Variants in CACNA1B observed in about 807,000 individuals in gnomAD.
CACNA1B encodes the protein calcium voltage-gated channel subunit alpha1 B.
In CACNA1B, 70 loss-of-function variants were observed where a neutral mutation model predicts 247.2. The observed-to-expected ratio is 0.28, with a 90% confidence interval of 0.23 to 0.35. The LOEUF is 0.35. Among genes scored for constraint, CACNA1B ranks in the 10% least tolerant of loss-of-function variants. The pLI is 1.00. For missense variants in CACNA1B, 2,367 were observed against 3,197.4 expected, an observed-to-expected ratio of 0.74 and a Z score of 6.26; for synonymous variants, 1,231 against 1,294.4, an observed-to-expected ratio of 0.95 and a Z score of 1.05.
At chr9:138,096,682 GGC>G (rs1961067113) in intron 37 of CACNA1B, 71 bp downstream of exon 37, 2 of 1,501,942 alleles carry the variant, frequency 1.3e-6, no homozygotes, top group Non-Finnish European at 1.8e-6. Context: ...TGGGCCTGGT[GGC>G]TTCAGACATG....
intron 36 of CACNA1B, among the ~76,000 whole-genome samples, chr9:138,079,640 A>T (rs1960451125): frequency 6.7e-6 from 1 of 149,248 alleles, no homozygotes; most frequent in Admixed American, 6.7e-5. Context: ...CCACCTGGGG[A>T]GCTGAGGCAA....
intron 36 of CACNA1B, among the ~76,000 whole-genome samples, chr9:138,080,138 C>T (rs1960476362): frequency 6.6e-6 from 1 of 152,204 alleles, no homozygotes; most frequent in Non-Finnish European, 1.5e-5. Flanking sequence ...ACATTCACTC[C>T]TCAGTACAAG....
intron 20 of CACNA1B, among the ~76,000 whole-genome samples, chr9:138,032,094 G>T (rs1374100037): frequency 6.6e-6 from 1 of 151,596 alleles, no homozygotes; most frequent in Non-Finnish European, 1.5e-5. Flanking sequence ...CTCCCTTCCT[G>T]TGGGTTACTT....
rs1961203495 is a variant in CACNA1B at position 138,100,101 on chromosome 9, G to C, written c.5223-2610G>C. Among the ~76,000 whole-genome samples the C allele has an allele frequency of 6.6e-6, 1 of 152,238 alleles. No homozygotes were observed. Among genetic ancestry groups the C allele is most frequent in the African/African-American group, 2.4e-5 (1 of 41,464 alleles). On this transcript the variant is annotated intron_variant, in intron 37 of 46. Coordinates refer to ENST00000371372, the MANE Select transcript of CACNA1B (RefSeq NM_000718.4). The surrounding 1 kb of genome is among the most constrained non-coding windows in gnomAD (Gnocchi z 4.6). The stretch of plus-strand genomic sequence containing the variant: ...TGTCTGGCCTGAAGAATGAGAGGAG[G>C]TGCCATTTGAGCTGAACTTAAAGGA...
At chr9:138,084,532 C>T (rs951985327) in intron 36 of CACNA1B, among the ~76,000 whole-genome samples, 2 of 151,286 alleles carry the variant, frequency 1.3e-5, no homozygotes, top group Non-Finnish European at 2.9e-5. Flanking sequence ...ACCACTGCAC[C>T]TGGAAACAGA....
chr9:137,984,186 G>A lies in CACNA1B; in HGVS notation c.1705G>A (p.Gly569Arg), dbSNP rs201094487. The part of the protein sequence containing the change: ...FEVVWAAIKP[G>R]SSFGISVLRA... The stretch of plus-strand genomic sequence containing the variant: ...AGTGGTCTGGGCGGCCATCAAGCCG[G>A]GAAGCTCCTTTGGGATCAGTGTGCT... The change falls in exon 13 of 47, where the codon GGA (glycine) becomes AGA (arginine). Residue 569 changes from glycine to arginine, a missense_variant. This residue lies in a region of CACNA1B where 219 missense variants were observed against 297.6 expected (regional missense o/e 0.74). Transcript: ENST00000371372. 5.0e-6 allele frequency: 8 copies of A among 1,605,308 alleles called. No individual in the cohort carries two copies. The highest frequency in any genetic ancestry group is 3.4e-5 in the Admixed American group (2 of 58,796).
intron 10 of CACNA1B, among the ~76,000 whole-genome samples, chr9:137,966,133 G>T (rs905445857): frequency 1.7e-4 from 26 of 151,820 alleles, no homozygotes; most frequent in Non-Finnish European, 1.0e-4. Flanking sequence ...ACTTGCATTT[G>T]CCTGGTACCT....
chr9:137,903,797 G>C (rs1174425458), intron 3 of CACNA1B, among the ~76,000 whole-genome samples: 2 of 151,990 alleles, frequency 1.3e-5, no homozygotes, highest in East Asian at 1.9e-4. Flanking sequence ...AAAGTCACCT[G>C]CACTGTTAAA....
chr9:138,044,007 G>C, intron 21 of CACNA1B, 107 bp downstream of exon 21: 320 of 1,381,356 alleles, frequency 2.3e-4, no homozygotes, highest in Middle Eastern at 1.9e-4. Flanking sequence ...CTTATGTAGA[G>C]AAACGGCTCT....
At chr9:138,081,075 C>T (rs1023259793) in intron 36 of CACNA1B, among the ~76,000 whole-genome samples, 6 of 152,206 alleles carry the variant, frequency 3.9e-5, no homozygotes, top group African/African-American at 1.4e-4. Flanking sequence ...GGTCTCTATA[C>T]TGTTCAAAGA....
At chr9:138,078,023 G>C (rs752821858) in intron 35 of CACNA1B, 91 bp from the exon 36 acceptor site, 4 of 1,160,912 alleles carry the variant, frequency 3.4e-6, no homozygotes, top group Non-Finnish European at 4.9e-6. Flanking sequence ...GTGGGAAGGA[G>C]CCCAAAGGAG....
chr9:137,956,321 A>G (rs1025588502), intron 8 of CACNA1B, among the ~76,000 whole-genome samples: 7 of 152,188 alleles, frequency 4.6e-5, no homozygotes, highest in African/African-American at 1.7e-4. Flanking sequence ...GTCCCTGTAG[A>G]AAAAGCTCAG....
intron 6 of CACNA1B, among the ~76,000 whole-genome samples, chr9:137,946,692 C>T (rs1322513492): frequency 1.3e-5 from 2 of 152,202 alleles, no homozygotes; most frequent in African/African-American, 4.8e-5. Context: ...TTCAGTCTCT[C>T]CGTAGAGTGG....
chr9:137,883,511 C>T (rs555747087), intron 3 of CACNA1B, among the ~76,000 whole-genome samples: 507 of 151,360 alleles, frequency 3.3e-3, no homozygotes, highest in Non-Finnish European at 5.4e-3. Flanking sequence ...ACCCAAGGGG[C>T]CTGGATGGGA....
At chr9:138,118,878 G>T in intron 44 of CACNA1B, 110 bp downstream of exon 44, 1 of 641,062 alleles carries the variant, frequency 1.6e-6, no homozygotes, top group South Asian at 1.7e-5. Flanking sequence ...TAGAGAGGCT[G>T]GGGTCCATGT....
intron 39 of CACNA1B, among the ~76,000 whole-genome samples, chr9:138,110,127 A>G (rs1373162396): frequency 6.6e-6 from 1 of 151,202 alleles, no homozygotes; most frequent in Non-Finnish European, 1.5e-5. Flanking sequence ...ACATATATAT[A>G]TATATTTGAG....
At chr9:137,912,627 T>A (rs1957370829) in intron 3 of CACNA1B, among the ~76,000 whole-genome samples, 1 of 152,240 alleles carries the variant, frequency 6.6e-6, no homozygotes, top group Admixed American at 6.5e-5. Context: ...GTTTTTTTGC[T>A]AATAGAACTG....
At chr9:137,972,906 C>G (rs974667195) in intron 11 of CACNA1B, among the ~76,000 whole-genome samples, 1 of 152,218 alleles carries the variant, frequency 6.6e-6, no homozygotes, top group Non-Finnish European at 1.5e-5. Context: ...CTGACTGACA[C>G]GTCCTGGGGC....
At chr9:137,992,266 TA>T (rs1277062561) in intron 15 of CACNA1B, among the ~76,000 whole-genome samples, 1 of 152,096 alleles carries the variant, frequency 6.6e-6, no homozygotes, top group Non-Finnish European at 1.5e-5. Flanking sequence ...AAATGGAGAC[TA>T]AAAGCGAGCA....
Sources: gnomAD v4.1 joint callset for allele counts (sites outside exome capture counted in the v4.1 genomes callset) on GRCh38, gnomAD v4.1.1 for gene constraint, gnomAD v4.1.1 regional missense constraint, Gnocchi (gnomAD v3.1) non-coding constraint, MANE v1.5 for transcripts, NCBI Gene and HGNC (gene_info 2026-07-23, HGNC 2026-07-21) for gene names.